The following CIITA variants were observed in gnomAD, a reference collection of about 807,000 sequenced individuals.
The protein encoded by CIITA is MHC class II transactivator.
CIITA carries 72 observed loss-of-function variants against 115.1 expected under a neutral mutation model. That is an observed-to-expected ratio of 0.63 (90% CI 0.52 to 0.76). CIITA has a LOEUF of 0.76. Among genes scored for constraint, CIITA ranks in the 30% least tolerant of loss-of-function variants. The pLI is 0.00. For missense variants in CIITA, 1,617 were observed against 1,463.8 expected (o/e 1.10, Z -1.71); for synonymous variants, 763 against 635.6 (o/e 1.20, Z -3.02).
rs1567423748 is a variant in CIITA, at chr16:10,908,082, CGCA to C, written c.2594_2596del (p.Ser865del). ...GGGCCAAGACTTCTCCCTGGACCTC[CGCA>C]GCACTGGCATTTGCCCCTCTGGATT... On this transcript the variant is annotated inframe_deletion, in exon 11 of 20. Transcript: ENST00000324288. The C allele has an allele frequency of 6.2e-7, 1 of 1,609,490 alleles. No homozygotes were observed. Among genetic ancestry groups the C allele is most frequent in the Non-Finnish European group, 8.5e-7 (1 of 1,177,980 alleles).
At chr16:10,888,507 C>G (rs1204709233) in intron 1 of CIITA, 1 of 152,266 alleles carries the variant, frequency 6.6e-6, no homozygotes, top group Non-Finnish European at 1.5e-5. Context: ...CCTGATTTCC[C>G]TCGGGGGAGA....
In CIITA at chr16:10,942,013, G is replaced by A; in HGVS notation, n.1139G>A. On this transcript the variant is annotated non_coding_transcript_exon_variant, in exon 2 of 2. Coordinates refer to the CIITA transcript ENST00000573379. This position sits in a 1 kb window ranked among gnomAD's most constrained non-coding sequence, Gnocchi z 5.0. The stretch of plus-strand genomic sequence containing the variant: ...GACCCGGGCGCCGAGCATGCAGCGG[G>A]TGGCAAGGGCGGCGGCCCGGCGATC... 2.1e-6 allele frequency: 3 copies of A among 1,438,838 alleles called. No homozygotes were observed. Among genetic ancestry groups the A allele is most frequent in the African/African-American group, 1.5e-5 (1 of 67,564 alleles). The allele number at this position is 1,438,838 out of a possible 1,614,324, so 89.1% of individuals were successfully genotyped here. A position where few individuals can be genotyped will look rare whatever the true frequency, so the allele number is the denominator to read the frequency against.
At chr16:10,913,254 C>T (rs943464030) in intron 13 of CIITA, among the ~76,000 whole-genome samples, 1 of 110,002 alleles carries the variant, frequency 9.1e-6, no homozygotes, top group African/African-American at 3.2e-5. Flanking sequence ...TTCCCTGTTT[C>T]TTTCTTTCTT....
chr16:10,926,883 A>C lies in CIITA; in HGVS notation c.*3028A>C, dbSNP rs2040552593. 1 of 152,262 alleles carries C rather than the reference A, an allele frequency of 6.6e-6. No homozygotes were observed. The highest frequency in any genetic ancestry group is 1.5e-5 in the Non-Finnish European group (1 of 68,064). The allele number at this position is 152,262 out of a possible 1,614,324, so 9.4% of individuals were successfully genotyped here. On this transcript the variant is annotated 3_prime_UTR_variant, in exon 20 of 20. Coordinates refer to ENST00000324288, the MANE Select transcript of CIITA (RefSeq NM_000246.4). ...TTATCACAGTGCAAGGGAAATTCAA[A>C]GCGCTCAGAAAGTATTAGCTCAATA...
chr16:10,910,463 G>A (rs924156961), intron 13 of CIITA, among the ~76,000 whole-genome samples: 2 of 152,190 alleles, frequency 1.3e-5, no homozygotes, highest in African/African-American at 2.4e-5. Context: ...TAATGGACCC[G>A]TTTGCTGGTT....
At chr16:10,894,838 C>A (rs1456715062) in intron 1 of CIITA, among the ~76,000 whole-genome samples, 1 of 152,220 alleles carries the variant, frequency 6.6e-6, no homozygotes, top group Non-Finnish European at 1.5e-5. Flanking sequence ...AATCACTTCA[C>A]CTCTCTGAGC....
chr16:10,867,889 G>T (rs1446077056), intron 1 of CIITA, among the ~76,000 whole-genome samples: 2 of 152,068 alleles, frequency 1.3e-5, no homozygotes, highest in African/African-American at 2.4e-5. Flanking sequence ...CCAACTAGCT[G>T]GGACTACAGG....
At chr16:10,918,678 A>G (rs534565053) in intron 16 of CIITA, 152 bp downstream of exon 16, 1 of 668,162 alleles carries the variant, frequency 1.5e-6, no homozygotes, top group Non-Finnish European at 2.6e-6. Flanking sequence ...GGTGAAAGAA[A>G]CTCTGAGCAA....
chr16:10,916,203 A>G (rs374323590), intron 14 of CIITA, among the ~76,000 whole-genome samples, 164 bp from the exon 15 acceptor site: 1 of 152,156 alleles, frequency 6.6e-6, no homozygotes, highest in Admixed American at 6.5e-5. Flanking sequence ...CAGGTGATGA[A>G]GTCCTCGTCT....
rs569825659 is a variant in CIITA, at chr16:10,867,473, A to G, written c.-21+1154A>G. Among the ~76,000 whole-genome samples, 8 of 152,074 alleles carry G rather than the reference A, an allele frequency of 5.3e-5. No individual in the cohort carries two copies. The East Asian group carries it at 1.5e-3, about 29-fold the overall frequency. ...CACAGAAAGAGACAGAGAGACAGGC[A>G]GAGACAGGGAGAAAAGGGAGGGAGA... On this transcript the variant is annotated intron_variant, in intron 1 of 5. Transcript: ENST00000636238.
At chr16:10,898,757 T>A in intron 4 of CIITA, 25 bp downstream of exon 4, 2 of 1,609,726 alleles carry the variant, frequency 1.2e-6, no homozygotes, top group Non-Finnish European at 1.7e-6. Flanking sequence ...GGTGGGGAGG[T>A]CTTGGCTCAG....
At chr16:10,878,443 C>A (rs1353391940) in intron 1 of CIITA, among the ~76,000 whole-genome samples, 1 of 152,192 alleles carries the variant, frequency 6.6e-6, no homozygotes, top group Non-Finnish European at 1.5e-5. Flanking sequence ...AAAGGACCGG[C>A]AGGGCTCTTG....
chr16:10,898,542 C>A, intron 3 of CIITA, 128 bp from the exon 4 acceptor site: 1 of 599,732 alleles, frequency 1.7e-6, no homozygotes, highest in Non-Finnish European at 3.0e-6. Context: ...ATCATTCATT[C>A]ATTCAACAAA....
intron 2 of CIITA, 119 bp from the exon 3 acceptor site, chr16:10,895,550 C>A: frequency 6.5e-7 from 1 of 1,549,630 alleles, no homozygotes; most frequent in Admixed American, 1.8e-5. Context: ...GCTCCCACGT[C>A]TGTGGGACGC....
At chr16:10,911,628 C>T (rs1040953539) in intron 13 of CIITA, among the ~76,000 whole-genome samples, 1 of 151,914 alleles carries the variant, frequency 6.6e-6, no homozygotes, top group Admixed American at 6.6e-5. Flanking sequence ...AATCACAGCT[C>T]ACCACAGCCT....
At position 10,927,658 on chromosome 16, in the gene CIITA, A is replaced by T. The variant is rs1435028367; in HGVS notation, c.*3803A>T. The T allele has an allele frequency of 6.6e-6, 1 of 152,220 alleles. No homozygotes were observed. Among genetic ancestry groups the T allele is most frequent in the Non-Finnish European group, 1.5e-5 (1 of 68,050 alleles). The allele number at this position is 152,220 out of a possible 1,614,324, so 9.4% of individuals were successfully genotyped here. A position where few individuals can be genotyped will look rare whatever the true frequency, so the allele number is the denominator to read the frequency against. ...CAAACCAGTCTGGGTTCTGCTTGCCAAACTGGGAGTCCTGGTGTGGAGCCT... is the reference window on the plus strand; with the variant it reads ...CAAACCAGTCTGGGTTCTGCTTGCCTAACTGGGAGTCCTGGTGTGGAGCCT... On this transcript the variant is annotated 3_prime_UTR_variant, in exon 20 of 20. Transcript: ENST00000324288.
At chr16:10,915,403 G>A (rs1432433060) in intron 13 of CIITA, among the ~76,000 whole-genome samples, 167 bp from the exon 14 acceptor site, 1 of 152,092 alleles carries the variant, frequency 6.6e-6, no homozygotes, top group Non-Finnish European at 1.5e-5. Context: ...GAAAAGATTG[G>A]GGTCCTACGT....
chr16:10,927,390 C>T lies in CIITA; in HGVS notation c.*3535C>T, dbSNP rs3205043. On this transcript the variant is annotated 3_prime_UTR_variant, in exon 20 of 20. Coordinates refer to ENST00000324288, the MANE Select transcript of CIITA (RefSeq NM_000246.4). ...TGTACACTGCTGTGCCCTCTGTACC[C>T]AGCAAGGCGCCTGTGTATAATAGGT... 26,869 of 152,248 alleles carry T rather than the reference C, an allele frequency of 0.18. 2,562 individuals carry two copies. The highest frequency in any genetic ancestry group is 0.22 in the Non-Finnish European group (14,949 of 68,010). The allele number at this position is 152,248 out of a possible 1,614,324, so 9.4% of individuals were successfully genotyped here. A position where few individuals can be genotyped will look rare whatever the true frequency, so the allele number is the denominator to read the frequency against.
At chr16:10,918,894 G>A (rs1316284310) in intron 16 of CIITA, among the ~76,000 whole-genome samples, 1 of 152,162 alleles carries the variant, frequency 6.6e-6, no homozygotes, top group East Asian at 1.9e-4. Flanking sequence ...GCTTTTGCCG[G>A]CCTTGTCACT....
Sources: allele counts gnomAD v4.1 joint callset (sites outside exome capture counted in the v4.1 genomes callset), GRCh38; gene constraint gnomAD v4.1.1; non-coding constraint Gnocchi (gnomAD v3.1); transcripts MANE v1.5; gene names NCBI Gene and HGNC (gene_info 2026-07-23, HGNC 2026-07-21).